The following PEX5L variants were observed in gnomAD, a reference collection of about 807,000 sequenced individuals.
PEX5L encodes peroxisomal biogenesis factor 5 like.
PEX5L carries 30 observed loss-of-function variants against 84.0 expected under a neutral mutation model. The observed-to-expected ratio is 0.36, with a 90% confidence interval of 0.27 to 0.48. The LOEUF (loss-of-function observed/expected upper bound fraction) is 0.48, where lower values mean the gene tolerates loss of function less well. Among genes scored for constraint, PEX5L ranks in the 20% least tolerant of loss-of-function variants. PEX5L has a pLI of 0.99. For synonymous variants in PEX5L, 270 were observed against 283.1 expected (o/e 0.95, Z 0.46); for missense variants, 533 against 754.6 (o/e 0.71, Z 3.44).
At chr3:179,973,984 T>C in intron 1 of PEX5L, 1 of 985,464 alleles carries the variant, frequency 1.0e-6, no homozygotes, top group Non-Finnish European at 1.2e-6. Flanking sequence ...GATTAATCCT[T>C]TTCTAAGCCA....
At chr3:179,817,118 A>G (rs998537184) in intron 9 of PEX5L, among the ~76,000 whole-genome samples, 6 of 152,238 alleles carry the variant, frequency 3.9e-5, no homozygotes, top group African/African-American at 1.4e-4. Context: ...GTCATAGCTA[A>G]GAATTTTTTT....
intron 1 of PEX5L, among the ~76,000 whole-genome samples, chr3:180,002,022 C>T (rs1788467452): frequency 6.6e-6 from 1 of 152,152 alleles, no homozygotes; most frequent in South Asian, 2.1e-4. Context: ...TTTCATCTCT[C>T]AACTATACTT....
At chr3:180,016,976 A>G (rs1332770941) in intron 1 of PEX5L, among the ~76,000 whole-genome samples, 1 of 152,222 alleles carries the variant, frequency 6.6e-6, no homozygotes, top group African/African-American at 2.4e-5. Flanking sequence ...TTATGTAAAA[A>G]GAGTGAGTAA....
intron 7 of PEX5L, among the ~76,000 whole-genome samples, chr3:179,860,707 G>A (rs952052777): frequency 3.3e-5 from 5 of 152,178 alleles, no homozygotes; most frequent in South Asian, 2.1e-4. Flanking sequence ...ACCAGACACC[G>A]CTCTAAGTAA....
chr3:180,020,905 T>G (rs750060174), intron 1 of PEX5L, among the ~76,000 whole-genome samples: 2 of 152,166 alleles, frequency 1.3e-5, no homozygotes, highest in Non-Finnish European at 1.5e-5. Flanking sequence ...CAACAATTCT[T>G]TATTTAATCC....
intron 8 of PEX5L, among the ~76,000 whole-genome samples, chr3:179,844,758 A>G (rs192903737): frequency 5.9e-5 from 9 of 152,290 alleles, no homozygotes; most frequent in African/African-American, 1.9e-4. Flanking sequence ...TGAACCCGGG[A>G]GGCAGAGCTT....
intron 1 of PEX5L, chr3:179,973,939 G>C (rs1785399732): frequency 1.0e-6 from 1 of 985,364 alleles, no homozygotes; most frequent in African/African-American, 1.7e-5. Flanking sequence ...CTAGAATTAA[G>C]CAATATTTTC....
chr3:179,875,288 G>A, intron 6 of PEX5L, 66 bp downstream of exon 6: 1 of 1,504,398 alleles, frequency 6.6e-7, no homozygotes, highest in South Asian at 1.1e-5. Context: ...TAACTCTTTG[G>A]CTATTTCAGT....
intron 1 of PEX5L, among the ~76,000 whole-genome samples, chr3:179,991,795 C>T (rs1405163406): frequency 2.0e-5 from 3 of 152,178 alleles, no homozygotes; most frequent in African/African-American, 4.8e-5. Context: ...CTCCCTGTCT[C>T]TCTTTTCTCT....
intron 1 of PEX5L, among the ~76,000 whole-genome samples, chr3:180,008,558 G>A (rs1789133265): frequency 6.6e-6 from 1 of 152,156 alleles, no homozygotes; most frequent in Non-Finnish European, 1.5e-5. Context: ...TTTTGATGCT[G>A]CTGATAAAGA....
intron 1 of PEX5L, among the ~76,000 whole-genome samples, chr3:179,990,078 A>G (rs1787241960): frequency 6.6e-6 from 1 of 152,222 alleles, no homozygotes; most frequent in South Asian, 2.1e-4. Flanking sequence ...TCTTTATTTC[A>G]GTGCTGCCAT....
At chr3:179,829,042 G>A (rs7620774) in intron 8 of PEX5L, among the ~76,000 whole-genome samples, 102,186 of 152,080 alleles carry the variant, frequency 0.67, 35,020 homozygotes, top group African/African-American at 0.8. Context: ...CATCTTCTCA[G>A]TACTAACCAG....
intron 8 of PEX5L, among the ~76,000 whole-genome samples, chr3:179,838,869 C>A (rs920378284): frequency 6.6e-6 from 1 of 152,006 alleles, no homozygotes; most frequent in Non-Finnish European, 1.5e-5. Flanking sequence ...AAAATGTTAT[C>A]TTTTATCCTC....
chr3:179,998,989 AC>A (rs1466713442), intron 1 of PEX5L, among the ~76,000 whole-genome samples: 8 of 152,320 alleles, frequency 5.3e-5, no homozygotes, highest in Non-Finnish European at 1.0e-4. Context: ...TCTTTTTAGG[AC>A]ATCTCTGAAA....
intron 2 of PEX5L, among the ~76,000 whole-genome samples, chr3:179,901,504 G>T (rs1217264459): frequency 6.6e-6 from 1 of 152,088 alleles, no homozygotes; most frequent in Non-Finnish European, 1.5e-5. Context: ...CAGCAACAAT[G>T]GAAAAGAATA....
intron 7 of PEX5L, among the ~76,000 whole-genome samples, chr3:179,863,984 GTAT>G (rs1747231116): frequency 6.6e-6 from 1 of 152,006 alleles, no homozygotes; most frequent in Non-Finnish European, 1.5e-5. Flanking sequence ...GGATCTGATG[GTAT>G]TATAAGGGGG....
At chr3:179,885,632 C>T (rs1325350392) in intron 4 of PEX5L, among the ~76,000 whole-genome samples, 3 of 147,530 alleles carry the variant, frequency 2.0e-5, no homozygotes, top group African/African-American at 5.0e-5. Flanking sequence ...GGTGACAGAG[C>T]GAGACTCCGT....
intron 2 of PEX5L, among the ~76,000 whole-genome samples, chr3:179,969,078 A>T (rs953318603): frequency 7.9e-5 from 12 of 152,078 alleles, no homozygotes; most frequent in Non-Finnish European, 1.6e-4. Flanking sequence ...CACATGACTG[A>T]TAAAATGGCA....
At position 179,981,884 on chromosome 3, in the gene PEX5L, A is replaced by G. The variant is rs142502154; in HGVS notation, c.22-10219T>C. 1.6e-3 allele frequency among the ~76,000 whole-genome samples: 248 copies of G among 152,312 alleles called. 3 individuals are homozygous for G. The highest frequency in any genetic ancestry group is 6.8e-3 in the Middle Eastern group (2 of 294). On this transcript the variant is annotated intron_variant, in intron 1 of 14. Transcript: ENST00000467460. ...TGCTGTAGAGCATCTAACAGGATTTATTGTGTTTTTTTGGACAGCAACAAC... is the reference window on the plus strand; with the variant it reads ...TGCTGTAGAGCATCTAACAGGATTTGTTGTGTTTTTTTGGACAGCAACAAC...
Sources: gnomAD v4.1 joint callset for allele counts (sites outside exome capture counted in the v4.1 genomes callset) on GRCh38, gnomAD v4.1.1 for gene constraint, MANE v1.5 for transcripts, NCBI Gene and HGNC (gene_info 2026-07-23, HGNC 2026-07-21) for gene names.